The following DLEC1 variants were observed in gnomAD, a reference collection of about 807,000 sequenced individuals.
The protein encoded by DLEC1 is DLEC1 cilia and flagella associated protein, also known as deleted in lung and esophageal cancer protein 1.
Under a neutral mutation model 198.1 loss-of-function variants are expected in DLEC1, and 146 were observed. The ratio of observed to expected loss-of-function variants is 0.74; its 90% confidence interval spans 0.64 to 0.85. DLEC1 has a LOEUF of 0.85. Ranked by LOEUF, DLEC1 falls within the 40% of genes least tolerant of loss-of-function variation. The probability of loss-of-function intolerance (pLI) is 0.00; values close to 1 mark genes in which losing one functional copy is unlikely to be tolerated. For synonymous variants in DLEC1, 897 were observed against 866.8 expected, an observed-to-expected ratio of 1.03 and a Z score of -0.61; for missense variants, 2,233 against 2,220.0, an observed-to-expected ratio of 1.01 and a Z score of -0.12.
Position 38,116,814 on chromosome 3 carries a change from G to A in DLEC1, c.4104G>A (p.Lys1368=). ...SSSASNRVAQ[K]LISVILQAHE... is the part of the protein sequence containing the mutation. ...GTGCCAGCAATAGGGTGGCACAGAAGCTCATCTCAGTCATCCTGCAGGCAC... is the reference window on the plus strand; with the variant it reads ...GTGCCAGCAATAGGGTGGCACAGAAACTCATCTCAGTCATCCTGCAGGCAC... Residue 1368 remains lysine (K), a synonymous_variant, in exon 29 of 37, where the codon AAG becomes AAA. Coordinates refer to ENST00000308059, the MANE Select transcript of DLEC1 (RefSeq NM_007335.4). 6.2e-7 allele frequency: 1 copy of A among 1,613,860 alleles called. No individual in the cohort carries two copies. Among genetic ancestry groups the A allele is most frequent in the South Asian group, 1.1e-5 (1 of 91,032 alleles).
chr3:38,121,866 C>A, intron 35 of DLEC1, 85 bp downstream of exon 35: 1 of 1,546,382 alleles, frequency 6.5e-7, no homozygotes. Flanking sequence ...CCCTGTGCGC[C>A]GTCCCTGCAT....
At chr3:38,078,073 G>A (rs1697734792) in intron 6 of DLEC1, among the ~76,000 whole-genome samples, 1 of 152,076 alleles carries the variant, frequency 6.6e-6, no homozygotes, top group African/African-American at 2.4e-5. Context: ...AAGGAAATAT[G>A]GGGAAATGGG....
At chr3:38,045,751 G>A (rs1299443838) in intron 2 of DLEC1, 58 bp downstream of exon 2, 1 of 1,530,374 alleles carries the variant, frequency 6.5e-7, no homozygotes, top group African/African-American at 1.4e-5. Context: ...ATATTTCACT[G>A]TGTTTGCTCC....
At chr3:38,114,499 C>T in intron 26 of DLEC1, 39 bp downstream of exon 26, 1 of 1,598,698 alleles carries the variant, frequency 6.3e-7, no homozygotes, top group Non-Finnish European at 8.6e-7. Context: ...TCCCTGGTAG[C>T]CCCTGAAACC....
chr3:38,044,737 C>G (rs1449505535), intron 1 of DLEC1, among the ~76,000 whole-genome samples: 1 of 152,142 alleles, frequency 6.6e-6, no homozygotes, highest in Non-Finnish European at 1.5e-5. Context: ...ATTACCTGTA[C>G]CAGTGAGCTC....
intron 6 of DLEC1, among the ~76,000 whole-genome samples, chr3:38,080,853 T>A (rs1311897876): frequency 2.1e-5 from 3 of 141,418 alleles, no homozygotes; most frequent in Non-Finnish European, 3.1e-5. Flanking sequence ...TTCTTGGGTG[T>A]TTCTCACAGA....
At chr3:38,104,067 G>A (rs753545237) in intron 19 of DLEC1, among the ~76,000 whole-genome samples, 16 of 152,138 alleles carry the variant, frequency 1.1e-4, no homozygotes, top group Non-Finnish European at 1.8e-4. Context: ...ACAAACCTTC[G>A]ATTTGTAAAA....
intron 6 of DLEC1, among the ~76,000 whole-genome samples, chr3:38,071,995 C>T (rs1697345735): frequency 6.6e-6 from 1 of 152,132 alleles, no homozygotes; most frequent in Non-Finnish European, 1.5e-5. Flanking sequence ...GCATAGCCTG[C>T]CTTTGCTGGT....
In DLEC1 at chr3:38,112,111, G is replaced by T; in HGVS notation, c.3515-99G>T. The T allele has an allele frequency of 6.4e-7, 1 of 1,553,340 alleles. No homozygotes were observed. The highest frequency in any genetic ancestry group is 8.8e-7 in the Non-Finnish European group (1 of 1,139,636). Reference sequence around the variant, plus strand: ...AGCCTGACCAAGGAGAGGCTGGAGGGTGGCTTATCGGGGACAGTGCTTTGC... The same window carrying T: ...AGCCTGACCAAGGAGAGGCTGGAGGTTGGCTTATCGGGGACAGTGCTTTGC... On this transcript the variant is annotated intron_variant, in intron 24 of 36. Coordinates refer to ENST00000308059, the MANE Select transcript of DLEC1 (RefSeq NM_007335.4). The surrounding 1 kb of genome is among the most constrained non-coding windows in gnomAD (Gnocchi z 4.8).
chr3:38,055,042 A>G (rs770310380), intron 2 of DLEC1, among the ~76,000 whole-genome samples: 3 of 152,266 alleles, frequency 2.0e-5, no homozygotes, highest in Non-Finnish European at 4.4e-5. Context: ...TGACAAGTAC[A>G]ATAGATGAAA....
intron 1 of DLEC1, 53 bp downstream of exon 1, chr3:38,039,689 G>C (rs1700564456): frequency 2.0e-5 from 31 of 1,539,406 alleles, no homozygotes; most frequent in Non-Finnish European, 2.5e-5. Context: ...CTCAGCGCTC[G>C]GCACGCGTCA....
intron 6 of DLEC1, among the ~76,000 whole-genome samples, chr3:38,076,583 G>T (rs989606397): frequency 6.6e-6 from 1 of 152,130 alleles, no homozygotes; most frequent in African/African-American, 2.4e-5. Context: ...GCAAGGACCG[G>T]CCATTTACAC....
chr3:38,100,500 A>T (rs1699251779), intron 19 of DLEC1, 75 bp downstream of exon 19: 30 of 1,416,802 alleles, frequency 2.1e-5, no homozygotes, highest in Non-Finnish European at 2.6e-5. Context: ...TTATATATTT[A>T]TCTAGAGATG....
At position 38,117,589 on chromosome 3, in the gene DLEC1, T is replaced by C. The variant is rs1700248055; in HGVS notation, c.4463T>C (p.Ile1488Thr). 6.2e-7 allele frequency: 1 copy of C among 1,613,978 alleles called. No individual in the cohort carries two copies. The highest frequency in any genetic ancestry group is 1.3e-5 in the African/African-American group (1 of 74,912). The change falls in exon 32 of 37, where the codon ATT (isoleucine) becomes ACT (threonine). Residue 1488 changes from isoleucine (I) to threonine (T), a missense_variant. Ile to Thr is a moderately conservative substitution (Grantham distance 89). Transcript: ENST00000308059. ...TTCCAGTGCCAGGCCAGTGACCTCA[T>C]TCCCGAGCAGCCCTGCTCTGGGGTG... ...MEFQCQASDL[I>T]PEQPCSGVLS...
intron 25 of DLEC1, among the ~76,000 whole-genome samples, chr3:38,113,116 C>T (rs1301855749): frequency 6.6e-6 from 1 of 151,996 alleles, no homozygotes; most frequent in Non-Finnish European, 1.5e-5. Context: ...TAAACAACTC[C>T]AAGAAAGACA....
intron 6 of DLEC1, among the ~76,000 whole-genome samples, chr3:38,071,607 G>T (rs1697321192): frequency 6.6e-6 from 1 of 152,254 alleles, no homozygotes; most frequent in Non-Finnish European, 1.5e-5. Context: ...CTGAGGGACA[G>T]AAGTTGGAGA....
chr3:38,065,184 G>A (rs950778348), intron 6 of DLEC1, among the ~76,000 whole-genome samples: 4 of 152,236 alleles, frequency 2.6e-5, no homozygotes, highest in Admixed American at 6.5e-5. Flanking sequence ...CAAAAAACAC[G>A]AAAACCAGTC....
chr3:38,116,511 G>A lies in DLEC1; in HGVS notation c.3915G>A (p.Glu1305=). The A allele has an allele frequency of 2.5e-6, 4 of 1,614,132 alleles. No individual in the cohort carries two copies. Among genetic ancestry groups the A allele is most frequent in the Non-Finnish European group, 3.4e-6 (4 of 1,179,996 alleles). The part of the protein sequence containing the change: ...VPEDKEDRLV[E]LLVFYGPPFP... The stretch of plus-strand genomic sequence containing the variant: ...AAGACAAGGAAGACCGGCTGGTGGA[G>A]CTGCTGGTGTTTTATGGGCCACCTT... Residue 1305 remains glutamate (E), a synonymous_variant, in exon 28 of 37, where the codon GAG becomes GAA. Coordinates refer to ENST00000308059, the MANE Select transcript of DLEC1 (RefSeq NM_007335.4).
In DLEC1 at chr3:38,086,266, C is replaced by T; in HGVS notation, c.1461C>T (p.Tyr487=). 6.2e-7 allele frequency: 1 copy of T among 1,612,632 alleles called. No homozygotes were observed. The highest frequency in any genetic ancestry group is 1.1e-5 in the South Asian group (1 of 90,734). Residue 487 remains tyrosine (Y), a synonymous_variant, in exon 9 of 37, where the codon TAC becomes TAT. Transcript: ENST00000308059. ...TGTCACCGGTGTTGGACTGTGGTTA[C>T]TGCCTCATTGGGGGAGTCAAGATGA... The part of the protein sequence containing the change: ...LTLSPVLDCG[Y]CLIGGVKMTR...
Sources: allele counts gnomAD v4.1 joint callset (sites outside exome capture counted in the v4.1 genomes callset), GRCh38; gene constraint gnomAD v4.1.1; non-coding constraint Gnocchi (gnomAD v3.1); transcripts MANE v1.5; gene names NCBI Gene and HGNC (gene_info 2026-07-23, HGNC 2026-07-21).